FAM174C: variants seen among roughly 807,000 people sequenced by gnomAD.
FAM174C encodes protein FAM174C.
A neutral mutation model predicts 12.3 loss-of-function variants in FAM174C; 19 were observed. The observed-to-expected ratio is 1.55, with a 90% confidence interval of 1.08 to 2.27. The LOEUF is 2.27. FAM174C is among the 30% of genes most tolerant of loss of function. FAM174C has a pLI of 0.00. For missense variants in FAM174C, 239 were observed against 190.2 expected (o/e 1.26, Z -1.51); for synonymous variants, 147 against 103.5 (o/e 1.42, Z -2.55).
chr19:1,275,917 C>T lies in FAM174C; in HGVS notation c.281+87C>T, dbSNP rs548715356. The T allele has an allele frequency of 4.0e-3, 4,606 of 1,142,712 alleles. 16 individuals carry two copies. The highest frequency in any genetic ancestry group is 4.5e-3 in the Non-Finnish European group (3,669 of 812,766). 70.8% of individuals were successfully genotyped at this position (1,142,712 alleles called of 1,614,324 possible). A position where few individuals can be genotyped will look rare whatever the true frequency, so the allele number is the denominator to read the frequency against. On this transcript the variant is annotated intron_variant, in intron 1 of 2. Coordinates refer to ENST00000409293, the MANE Select transcript of FAM174C (RefSeq NM_017914.4). ...GTCACGTGCCGGGCCGCGGGGTCCT[C>T]CCCTCCCTCCCTCCCTCCCTCCCTC...
rs1314421543 is a variant in FAM174C at position 1,279,165 on chromosome 19, A to G, written c.*388A>G. ...CAAGGCTGGGTGGGCAGGTGACCCAAGGAACCTTTCTGGGAACACCTTCTC... is the reference window on the plus strand; with the variant it reads ...CAAGGCTGGGTGGGCAGGTGACCCAGGGAACCTTTCTGGGAACACCTTCTC... On this transcript the variant is annotated 3_prime_UTR_variant, in exon 3 of 3. Transcript: ENST00000409293. The G allele has an allele frequency of 5.0e-6, 8 of 1,612,964 alleles. No individual in the cohort carries two copies. The highest frequency in any genetic ancestry group is 6.8e-6 in the Non-Finnish European group (8 of 1,179,850).
intron 2 of FAM174C, among the ~76,000 whole-genome samples, chr19:1,277,620 G>A (rs1224517925): frequency 6.6e-6 from 1 of 151,392 alleles, no homozygotes; most frequent in Non-Finnish European, 1.5e-5. Context: ...ACAGGCACCC[G>A]CCACCACGCC....
intron 2 of FAM174C, 144 bp from the exon 3 acceptor site, chr19:1,278,633 A>AGGCTGGGCC: frequency 6.8e-7 from 1 of 1,471,724 alleles, no homozygotes; most frequent in Non-Finnish European, 9.0e-7. Context: ...GAGGCCGGGG[A>AGGCTGGGCC]GGGAGGCCAG....
intron 1 of FAM174C, 183 bp downstream of exon 1, chr19:1,276,013 C>T: frequency 1.7e-6 from 1 of 590,026 alleles, no homozygotes; most frequent in Non-Finnish European, 2.9e-6. Flanking sequence ...GCAGGGGCCA[C>T]GGGACTCACC....
rs1216014408 is a variant in FAM174C at position 1,275,825 on chromosome 19, G to C, written c.276G>C (p.Ala92=). ...CCGCGCTCTACTTCCTGATCCGGGC[G>C]TTTAGGTGCGTCAGGCGCACGTGGG... ...GLTALYFLIR[A]FRLKKPQRRR... is the part of the protein sequence containing the mutation. The change falls in exon 1 of 3, where the codon GCG becomes GCC. Residue 92 remains alanine, a synonymous_variant. Transcript: ENST00000409293. The C allele has an allele frequency of 6.5e-7, 1 of 1,536,438 alleles. No homozygotes were observed. Among genetic ancestry groups the C allele is most frequent in the South Asian group, 1.2e-5 (1 of 84,042 alleles).
chr19:1,279,030 G>A lies in FAM174C; in HGVS notation c.*253G>A, dbSNP rs1347305688. 3.1e-6 allele frequency: 5 copies of A among 1,611,602 alleles called. No individual in the cohort carries two copies. In the East Asian group the frequency reaches 1.1e-4, roughly 36 times the overall value. On this transcript the variant is annotated 3_prime_UTR_variant, in exon 3 of 3. Coordinates refer to ENST00000409293, the MANE Select transcript of FAM174C (RefSeq NM_017914.4). ...GTCCCAGCCTGGCCGAGGGTCCCAG[G>A]TGAAGACTGGAGGGACCCCAACAGC...
At chr19:1,277,094 C>T in intron 1 of FAM174C, 89 bp from the exon 2 acceptor site, 1 of 1,470,180 alleles carries the variant, frequency 6.8e-7, no homozygotes. Flanking sequence ...CTCGGGGCTC[C>T]AGTAGAGGAC....
chr19:1,278,832 G>C lies in FAM174C; in HGVS notation c.*55G>C. 1 of 1,613,054 alleles carries C rather than the reference G, an allele frequency of 6.2e-7. No homozygotes were observed. The highest frequency in any genetic ancestry group is 8.5e-7 in the Non-Finnish European group (1 of 1,179,900). Reference sequence around the variant, plus strand: ...AGCCATGAGGGAAGGACAGGAGATGGGGCCCACCCCAGTGCCCAGCAACCC... The same window carrying C: ...AGCCATGAGGGAAGGACAGGAGATGCGGCCCACCCCAGTGCCCAGCAACCC... On this transcript the variant is annotated 3_prime_UTR_variant, in exon 3 of 3. Transcript: ENST00000409293.
At chr19:1,276,500 A>C (rs1409035016) in intron 1 of FAM174C, 1 of 152,486 alleles carries the variant, frequency 6.6e-6, no homozygotes, top group African/African-American at 2.4e-5. Context: ...TGGGAGAGAC[A>C]CAGCGAGGAC....
chr19:1,278,208 C>G (rs555444082), intron 2 of FAM174C, among the ~76,000 whole-genome samples: 158 of 152,398 alleles, frequency 1.0e-3, no homozygotes, highest in African/African-American at 3.3e-3. Flanking sequence ...CGGGCGGGGT[C>G]AGGGAGGGCC....
At position 1,277,206 on chromosome 19, in the gene FAM174C, G is replaced by A. The variant is rs569686123; in HGVS notation, c.305G>A (p.Arg102Gln). 9.7e-6 allele frequency: 15 copies of A among 1,545,276 alleles called. No individual in the cohort carries two copies. In the African/African-American group the frequency reaches 1.5e-4, roughly 16 times the overall value. Residue 102 changes from arginine (R) to glutamine (Q), a missense_variant, in exon 2 of 3, where the codon CGA becomes CAA. Physicochemically the swap from Arg to Gln is conservative, Grantham distance 43 (BLOSUM62 1). Coordinates refer to ENST00000409293, the MANE Select transcript of FAM174C (RefSeq NM_017914.4). ...AGGTTGAAGAAGCCTCAGCGGAGGC[G>A]ATACGGCCTCCTCGCCAACACTGAG... ...AFRLKKPQRR[R>Q]YGLLANTEDP... is the part of the protein sequence containing the mutation.
At chr19:1,277,693 C>T (rs115749278) in intron 2 of FAM174C, among the ~76,000 whole-genome samples, 2,062 of 152,102 alleles carry the variant, frequency 0.014, 45 homozygotes, top group African/African-American at 0.046. Flanking sequence ...AGGCTGGGTT[C>T]CAGCTCCTTA....
Position 1,275,782 on chromosome 19 carries a change from T to C in FAM174C, c.233T>C (p.Leu78Pro). 3 of 1,539,768 alleles carry C rather than the reference T, an allele frequency of 1.9e-6. No homozygotes were observed. The highest frequency in any genetic ancestry group is 2.6e-6 in the Non-Finnish European group (3 of 1,146,342). ...CTGACGCGCTCCTTCTACGTGATCC[T>C]GGGCTTCTGCGGCCTGACCGCGCTC... ...SALTRSFYVI[L>P]GFCGLTALYF... Residue 78 changes from leucine to proline, a missense_variant, in exon 1 of 3, where the codon CTG (leucine) becomes CCG (proline). Coordinates refer to ENST00000409293, the MANE Select transcript of FAM174C (RefSeq NM_017914.4).
intron 1 of FAM174C, 133 bp downstream of exon 1, chr19:1,275,963 T>G (rs1049946702): frequency 1.2e-6 from 1 of 847,644 alleles, no homozygotes; most frequent in Non-Finnish European, 1.8e-6. Context: ...GGAGTGGGCG[T>G]GGGCGGTGCT....
At position 1,278,914 on chromosome 19, in the gene FAM174C, C is replaced by T. The variant is rs779252478; in HGVS notation, c.*137C>T. The T allele has an allele frequency of 2.5e-6, 4 of 1,613,254 alleles. No homozygotes were observed. The highest frequency in any genetic ancestry group is 1.1e-5 in the South Asian group (1 of 91,090). ...CGGGGCTGGTCTCACCCAGTGCCAA[C>T]CCGAGAGCTCCTTTTGGAACCTGCA... On this transcript the variant is annotated 3_prime_UTR_variant, in exon 3 of 3. Coordinates refer to ENST00000409293, the MANE Select transcript of FAM174C (RefSeq NM_017914.4).
Position 1,275,588 on chromosome 19 carries a change from CCTGCTGGCG to C in FAM174C, c.46_54del (p.Ala16_Leu18del). 1.6e-6 allele frequency: 2 copies of C among 1,238,764 alleles called. No homozygotes were observed. Among genetic ancestry groups the C allele is most frequent in the Non-Finnish European group, 2.0e-6 (2 of 993,872 alleles). 76.7% of individuals were successfully genotyped at this position (1,238,764 alleles called of 1,614,324 possible). On this transcript the variant is annotated inframe_deletion, in exon 1 of 3. Transcript: ENST00000409293. ...TGCTGCAGCCGCCGCTGCTGCTGCTCCTGCTGGCGCTGCTGCTGGCGGCGCTGCCGTGCG... is the reference window on the plus strand; with the variant it reads ...TGCTGCAGCCGCCGCTGCTGCTGCTCCTGCTGCTGGCGGCGCTGCCGTGCG...
Position 1,275,773 on chromosome 19 carries a change from A to G in FAM174C, c.224A>G (p.Tyr75Cys), listed in dbSNP as rs1033073792. The G allele has an allele frequency of 5.8e-6, 9 of 1,539,728 alleles. No homozygotes were observed. The highest frequency in any genetic ancestry group is 7.9e-6 in the Non-Finnish European group (9 of 1,146,210). The change falls in exon 1 of 3, where the codon TAC (tyrosine) becomes TGC (cysteine). Residue 75 changes from tyrosine (Y) to cysteine (C), a missense_variant. By Grantham distance (194) the Tyr-to-Cys change is radical. Transcript: ENST00000409293. ...GGCTCGGCGCTGACGCGCTCCTTCT[A>G]CGTGATCCTGGGCTTCTGCGGCCTG... ...ASGSALTRSFYVILGFCGLTA... is the reference protein window; with the variant it reads ...ASGSALTRSFCVILGFCGLTA...
intron 1 of FAM174C, chr19:1,276,855 CTG>C (rs1166020175): frequency 5.5e-6 from 1 of 180,574 alleles, no homozygotes; most frequent in African/African-American, 2.4e-5. Context: ...GGCTTCCATT[CTG>C]TTGTCTTTGG....
intron 2 of FAM174C, 142 bp from the exon 3 acceptor site, chr19:1,278,635 G>A: frequency 1.6e-5 from 23 of 1,478,216 alleles, no homozygotes; most frequent in Non-Finnish European, 1.8e-5. Context: ...GGCCGGGGAG[G>A]GAGGCCAGTG....
Sources: gnomAD v4.1 joint callset for allele counts (sites outside exome capture counted in the v4.1 genomes callset) on GRCh38, gnomAD v4.1.1 for gene constraint, MANE v1.5 for transcripts, NCBI Gene and HGNC (gene_info 2026-07-23, HGNC 2026-07-21) for gene names.